RABGAP1L: variants seen among roughly 807,000 people sequenced by gnomAD.
RABGAP1L encodes the protein RAB GTPase activating protein 1 like, also known as rab GTPase-activating protein 1-like.
RABGAP1L carries 63 observed loss-of-function variants against 137.7 expected under a neutral mutation model. The ratio of observed to expected loss-of-function variants is 0.46; its 90% CI spans 0.37 to 0.56. The LOEUF (loss-of-function observed/expected upper bound fraction) is 0.56, where lower values mean the gene tolerates loss of function less well. Ranked by LOEUF, RABGAP1L falls within the 20% of genes least tolerant of loss-of-function variation. The pLI is 0.00. For synonymous variants in RABGAP1L, 431 were observed against 433.7 expected (o/e 0.99, Z 0.08); for missense variants, 1,095 against 1,244.0 (o/e 0.88, Z 1.80).
chr1:174,802,961 G>A (rs1401370433), intron 18 of RABGAP1L, among the ~76,000 whole-genome samples: 3 of 152,120 alleles, frequency 2.0e-5, no homozygotes, highest in Non-Finnish European at 2.9e-5. Flanking sequence ...GTACTAAAGT[G>A]TAAAACATCT....
At chr1:174,765,776 T>C (rs1276965729) in intron 18 of RABGAP1L, among the ~76,000 whole-genome samples, 3 of 152,202 alleles carry the variant, frequency 2.0e-5, no homozygotes, top group African/African-American at 7.2e-5. Flanking sequence ...ATTTTTTCTT[T>C]AGTTGTTTGT....
At chr1:174,681,730 A>C (rs1243838153) in intron 14 of RABGAP1L, among the ~76,000 whole-genome samples, 1 of 150,696 alleles carries the variant, frequency 6.6e-6, no homozygotes, top group African/African-American at 2.4e-5. Flanking sequence ...AGTAAAAGGG[A>C]GTTCCAGACT....
At chr1:174,445,273 A>C (rs1327712773) in intron 13 of RABGAP1L, among the ~76,000 whole-genome samples, 1 of 152,212 alleles carries the variant, frequency 6.6e-6, no homozygotes, top group Admixed American at 6.5e-5. Context: ...TAGTAAGTCA[A>C]AATAATCAGA....
At chr1:174,359,312 G>A in intron 11 of RABGAP1L, among the ~76,000 whole-genome samples, 1 of 151,944 alleles carries the variant, frequency 6.6e-6, no homozygotes, top group East Asian at 1.9e-4. Flanking sequence ...GCTACAGTAG[G>A]AAATTTAATT....
chr1:174,420,541 TTCA>T (rs1275677924), intron 13 of RABGAP1L, among the ~76,000 whole-genome samples: 1 of 152,164 alleles, frequency 6.6e-6, no homozygotes, highest in Non-Finnish European at 1.5e-5. Flanking sequence ...TTAAATGACA[TTCA>T]TCATTTAAGA....
intron 19 of RABGAP1L, among the ~76,000 whole-genome samples, chr1:174,856,093 G>A (rs1649229434): frequency 6.6e-6 from 1 of 152,080 alleles, no homozygotes; most frequent in Non-Finnish European, 1.5e-5. Flanking sequence ...TTTTTCAGTT[G>A]GCCAGTTAAA....
intron 22 of RABGAP1L, among the ~76,000 whole-genome samples, chr1:174,977,609 CTG>C (rs1475419156): frequency 6.6e-6 from 1 of 152,180 alleles, no homozygotes; most frequent in Non-Finnish European, 1.5e-5. Context: ...GTGTGTGTAA[CTG>C]TTTTAATCAT....
intron 1 of RABGAP1L, among the ~76,000 whole-genome samples, chr1:174,209,196 T>C (rs1028148202): frequency 1.3e-5 from 2 of 152,218 alleles, no homozygotes; most frequent in Admixed American, 6.5e-5. Flanking sequence ...ATGCATTGCG[T>C]ACCTCCTGCT....
chr1:174,162,339 T>C (rs572070672), intron 1 of RABGAP1L, among the ~76,000 whole-genome samples: 58 of 152,346 alleles, frequency 3.8e-4, no homozygotes, highest in Non-Finnish European at 5.1e-4. Flanking sequence ...AACTCTCAGA[T>C]GATACAGCAT....
chr1:174,799,969 CACACACACACTCTCACACAT>C, intron 18 of RABGAP1L: 1 of 993,202 alleles, frequency 1.0e-6, no homozygotes. Context: ...CACACACACA[CACACACACACTCTCACACAT>C]TCTCACATGC....
chr1:174,599,505 C>G (rs1450310842), intron 13 of RABGAP1L, among the ~76,000 whole-genome samples: 1 of 152,082 alleles, frequency 6.6e-6, no homozygotes, highest in Admixed American at 6.5e-5. Context: ...CATCATTTAG[C>G]TTTTCTTGTA....
chr1:174,894,911 C>T (rs968141119), intron 19 of RABGAP1L, among the ~76,000 whole-genome samples: 1 of 152,124 alleles, frequency 6.6e-6, no homozygotes, highest in Admixed American at 6.6e-5. Flanking sequence ...TGCTCACCAC[C>T]ATGCCCAGAT....
rs200033988 is a variant in RABGAP1L at position 174,527,199 on chromosome 1, A to AT, written c.1711-110172dup. Reference sequence around the variant, plus strand: ...TGGTCTGAGAAAACATATGATTTTTATTTTGTTTTTTTTTTTTTTTTTGAG... The same window carrying AT: ...TGGTCTGAGAAAACATATGATTTTTATTTTTGTTTTTTTTTTTTTTTTTGAG... On this transcript the variant is annotated intron_variant, in intron 13 of 25. Coordinates refer to ENST00000681986, the MANE Select transcript of RABGAP1L (RefSeq NM_001366446.1). Among the ~76,000 whole-genome samples the AT allele has an allele frequency of 2.3e-4, 25 of 108,272 alleles. No homozygotes were observed. The South Asian group carries it at 3.2e-3, about 14-fold the overall frequency. The allele number at this position is 108,272 out of a possible 152,430, so 71.0% of individuals were successfully genotyped here. A position where few individuals can be genotyped will look rare whatever the true frequency, so the allele number is the denominator to read the frequency against.
At chr1:174,172,052 T>C (rs908201741) in intron 1 of RABGAP1L, among the ~76,000 whole-genome samples, 4 of 151,660 alleles carry the variant, frequency 2.6e-5, no homozygotes, top group African/African-American at 7.3e-5. Context: ...ATAAATGAGA[T>C]CATGTAGTGT....
chr1:174,434,348 A>G (rs1653016193), intron 13 of RABGAP1L, among the ~76,000 whole-genome samples: 1 of 152,078 alleles, frequency 6.6e-6, no homozygotes, highest in African/African-American at 2.4e-5. Flanking sequence ...TGGAAATATC[A>G]CGGTTTGTTT....
chr1:174,860,609 C>T (rs1184201464), intron 19 of RABGAP1L, among the ~76,000 whole-genome samples: 2 of 152,016 alleles, frequency 1.3e-5, no homozygotes, highest in African/African-American at 4.8e-5. Flanking sequence ...AGTAATTTTC[C>T]CTTCGGTTAT....
intron 13 of RABGAP1L, among the ~76,000 whole-genome samples, chr1:174,444,710 T>C (rs1227262492): frequency 1.3e-5 from 2 of 152,246 alleles, no homozygotes; most frequent in East Asian, 3.9e-4. Flanking sequence ...TTTTTCTAGG[T>C]TTTCCAGTTT....
chr1:174,203,983 C>CAGAGTGCAGTGGCACT (rs1167857960), intron 1 of RABGAP1L, among the ~76,000 whole-genome samples: 2 of 150,626 alleles, frequency 1.3e-5, no homozygotes, highest in Admixed American at 1.3e-4. Context: ...CTCTGTTGCC[C>CAGAGTGCAGTGGCACT]AGAGTGCAGT....
intron 18 of RABGAP1L, 116 bp from the exon 19 acceptor site, chr1:174,811,716 C>A: frequency 9.6e-7 from 1 of 1,044,076 alleles, no homozygotes. Flanking sequence ...ATGTTTGGAA[C>A]TAACTTAGAT....
Sources: allele counts gnomAD v4.1 joint callset (sites outside exome capture counted in the v4.1 genomes callset), GRCh38; gene constraint gnomAD v4.1.1; transcripts MANE v1.5; gene names NCBI Gene and HGNC (gene_info 2026-07-23, HGNC 2026-07-21).